GRM1: variants seen among roughly 807,000 people sequenced by gnomAD.
The protein encoded by GRM1 is metabotropic glutamate receptor 1.
A neutral mutation model predicts 90.9 loss-of-function variants in GRM1; 33 were observed. That is an observed-to-expected ratio of 0.36 (90% CI 0.28 to 0.49). The LOEUF is 0.49. Among genes scored for constraint, GRM1 ranks in the 20% least tolerant of loss-of-function variants. The pLI is 0.99. For synonymous variants in GRM1, 700 were observed against 613.2 expected (o/e 1.14, Z -2.09); for missense variants, 1,190 against 1,534.3 (o/e 0.78, Z 3.75).
chr6:146,238,801 AC>A (rs1780744101), intron 2 of GRM1, among the ~76,000 whole-genome samples: 1 of 152,104 alleles, frequency 6.6e-6, no homozygotes, highest in East Asian at 1.9e-4. Flanking sequence ...TATCTTAAGC[AC>A]AGGAAATATG....
intron 3 of GRM1, among the ~76,000 whole-genome samples, chr6:146,348,818 T>A (rs1785272503): frequency 6.6e-6 from 1 of 152,126 alleles, no homozygotes; most frequent in Non-Finnish European, 1.5e-5. Flanking sequence ...GGATGCCCTG[T>A]CCTCTGTCAC....
chr6:146,067,965 G>A (rs1413099092), intron 1 of GRM1, among the ~76,000 whole-genome samples: 2 of 152,016 alleles, frequency 1.3e-5, no homozygotes, highest in East Asian at 3.9e-4. Context: ...CTCTAATCAC[G>A]TAATTTCAGG....
chr6:146,239,501 G>T (rs1461971964), intron 2 of GRM1, among the ~76,000 whole-genome samples: 1 of 152,006 alleles, frequency 6.6e-6, no homozygotes, highest in Admixed American at 6.6e-5. Context: ...ATACAGGCAG[G>T]TTCTTTATAC....
chr6:146,426,440 G>A (rs1583483606), intron 7 of GRM1: 1 of 841,956 alleles, frequency 1.2e-6, no homozygotes. Context: ...GCAAACGGAG[G>A]TGGAGGCAAT....
Position 146,029,483 on chromosome 6 carries a change from G to A in GRM1, c.-35G>A, listed in dbSNP as rs747776021. ...CCTGCAGCGGGACCAGCGTGGGAACGCGGCTGGCAGGCTGTGGACCTCGTC... is the reference window on the plus strand; with the variant it reads ...CCTGCAGCGGGACCAGCGTGGGAACACGGCTGGCAGGCTGTGGACCTCGTC... On this transcript the variant is annotated 5_prime_UTR_variant, in exon 1 of 8. Transcript: ENST00000282753. 32 of 1,538,448 alleles carry A rather than the reference G, an allele frequency of 2.1e-5. No individual in the cohort carries two copies. In the Admixed American group the frequency reaches 5.0e-4, roughly 24 times the overall value.
At chr6:146,309,904 A>G (rs907738900) in intron 3 of GRM1, among the ~76,000 whole-genome samples, 1 of 152,244 alleles carries the variant, frequency 6.6e-6, no homozygotes, top group African/African-American at 2.4e-5. Flanking sequence ...GGCTAGCAGT[A>G]TATTAACTGT....
chr6:146,273,650 T>G (rs1278282875), intron 2 of GRM1, among the ~76,000 whole-genome samples: 1 of 152,200 alleles, frequency 6.6e-6, no homozygotes, highest in Non-Finnish European at 1.5e-5. Flanking sequence ...AGTCACATGA[T>G]CTCTCTTAAT....
chr6:146,230,080 G>T (rs999365852), intron 2 of GRM1, among the ~76,000 whole-genome samples: 2 of 152,202 alleles, frequency 1.3e-5, no homozygotes, highest in Non-Finnish European at 2.9e-5. Flanking sequence ...TTAAAGTGAA[G>T]CTCTGTAGAT....
At chr6:146,116,577 G>T (rs931038953) in intron 1 of GRM1, among the ~76,000 whole-genome samples, 3 of 152,082 alleles carry the variant, frequency 2.0e-5, no homozygotes, top group Admixed American at 2.0e-4. Flanking sequence ...GAGTGTGTAT[G>T]TGTGTATATA....
intron 2 of GRM1, among the ~76,000 whole-genome samples, chr6:146,252,376 G>A (rs561345138): frequency 1.4e-4 from 22 of 152,300 alleles, no homozygotes; most frequent in Non-Finnish European, 2.8e-4. Context: ...GGTGGCTCAC[G>A]CCTGTAATCC....
At chr6:146,256,610 C>T (rs1781489458) in intron 2 of GRM1, among the ~76,000 whole-genome samples, 1 of 152,172 alleles carries the variant, frequency 6.6e-6, no homozygotes, top group Non-Finnish European at 1.5e-5. Context: ...TCATCTTCAG[C>T]ACTTTTGGAT....
At chr6:146,253,137 G>A (rs1030093601) in intron 2 of GRM1, among the ~76,000 whole-genome samples, 4 of 152,074 alleles carry the variant, frequency 2.6e-5, no homozygotes, top group African/African-American at 7.2e-5. Flanking sequence ...AAGTGCATTG[G>A]GAGTTTTAAG....
intron 1 of GRM1, among the ~76,000 whole-genome samples, chr6:146,052,968 A>C (rs1775347844): frequency 1.3e-5 from 2 of 151,934 alleles, no homozygotes; most frequent in African/African-American, 2.4e-5. Context: ...AAATAAAAAA[A>C]CCCCGGGGTT....
intron 2 of GRM1, among the ~76,000 whole-genome samples, chr6:146,181,748 A>G (rs1055018230): frequency 3.9e-5 from 6 of 152,142 alleles, no homozygotes; most frequent in African/African-American, 1.2e-4. Context: ...TCGTTTGTCA[A>G]TGTACTAAGG....
chr6:146,319,974 T>G (rs908316750), intron 3 of GRM1, among the ~76,000 whole-genome samples: 4 of 152,202 alleles, frequency 2.6e-5, no homozygotes, highest in African/African-American at 9.6e-5. Context: ...CTTGCCTTAT[T>G]GCCCTGGCCA....
chr6:146,216,603 A>G (rs184468884), intron 2 of GRM1, among the ~76,000 whole-genome samples: 2 of 152,354 alleles, frequency 1.3e-5, no homozygotes, highest in East Asian at 3.9e-4. Context: ...AAAGTTGGCT[A>G]CACAATTTAA....
chr6:146,170,352 C>A (rs1583105537), intron 2 of GRM1, among the ~76,000 whole-genome samples: 2 of 152,008 alleles, frequency 1.3e-5, no homozygotes, highest in Middle Eastern at 3.4e-3. Flanking sequence ...AATATTTTTT[C>A]TTCTCCTTTA....
At chr6:146,414,465 A>G (rs933066763) in intron 7 of GRM1, among the ~76,000 whole-genome samples, 2 of 151,552 alleles carry the variant, frequency 1.3e-5, no homozygotes, top group Non-Finnish European at 2.9e-5. Flanking sequence ...GTGGAGTGGC[A>G]CGATCTCGGC....
intron 4 of GRM1, among the ~76,000 whole-genome samples, chr6:146,354,828 G>T (rs1785527506): frequency 6.6e-6 from 1 of 152,040 alleles, no homozygotes; most frequent in African/African-American, 2.4e-5. Flanking sequence ...AAAGGAAAAG[G>T]GCAGTGTTCA....
Sources: gnomAD v4.1 joint callset for allele counts (sites outside exome capture counted in the v4.1 genomes callset) on GRCh38, gnomAD v4.1.1 for gene constraint, MANE v1.5 for transcripts, NCBI Gene and HGNC (gene_info 2026-07-23, HGNC 2026-07-21) for gene names.